The following MAP3K5 variants were observed in gnomAD, a reference collection of about 807,000 sequenced individuals.
MAP3K5 encodes ASK-1.
A neutral mutation model predicts 158.7 loss-of-function variants in MAP3K5; 56 were observed. The ratio of observed to expected loss-of-function variants is 0.35; its 90% confidence interval spans 0.28 to 0.44. The LOEUF (loss-of-function observed/expected upper bound fraction) is 0.44. Ranked by LOEUF, MAP3K5 falls within the 20% of genes least tolerant of loss-of-function variation. The probability of loss-of-function intolerance (pLI) is 1.00; values close to 1 mark genes in which losing one functional copy is unlikely to be tolerated. For missense variants in MAP3K5, 1,294 were observed against 1,674.8 expected (o/e 0.77, Z 3.97); for synonymous variants, 579 against 601.7 (o/e 0.96, Z 0.55).
chr6:136,604,028 A>G (rs1277543583), intron 19 of MAP3K5, among the ~76,000 whole-genome samples: 1 of 152,246 alleles, frequency 6.6e-6, no homozygotes, highest in Non-Finnish European at 1.5e-5. Context: ...AATTACCATC[A>G]AAAGTCCTCT....
chr6:136,571,477 AC>A (rs1774363157), intron 25 of MAP3K5, among the ~76,000 whole-genome samples: 2 of 152,228 alleles, frequency 1.3e-5, no homozygotes, highest in African/African-American at 4.8e-5. Flanking sequence ...GAGTGAAAAA[AC>A]CATAAAATTA....
chr6:136,757,575 A>ATTTTTTTTTT lies in MAP3K5; in HGVS notation c.448+34134_448+34135insAAAAAAAAAA, dbSNP rs1266911449. 1.1e-4 allele frequency among the ~76,000 whole-genome samples: 12 copies of ATTTTTTTTTT among 111,276 alleles called. 1 individual carries two copies. The highest frequency in any genetic ancestry group is 3.6e-4 in the African/African-American group (11 of 30,342). The allele number at this position is 111,276 out of a possible 152,430, so 73.0% of individuals were successfully genotyped here. A position where few individuals can be genotyped will look rare whatever the true frequency, so the allele number is the denominator to read the frequency against. On this transcript the variant is annotated intron_variant, in intron 1 of 29. Transcript: ENST00000359015. The stretch of plus-strand genomic sequence containing the variant: ...GAGAACTCATTTTATAGATTTATTT[A>ATTTTTTTTTT]TTTATTTTTTATTTTTTTTTTTTTT...
intron 3 of MAP3K5, among the ~76,000 whole-genome samples, chr6:136,700,539 T>C (rs1780807568): frequency 6.6e-6 from 1 of 152,208 alleles, no homozygotes; most frequent in Non-Finnish European, 1.5e-5. Flanking sequence ...AAGACACTCA[T>C]ATATCAGGTA....
intron 1 of MAP3K5, among the ~76,000 whole-genome samples, chr6:136,760,381 G>A (rs924704726): frequency 1.3e-5 from 2 of 151,792 alleles, no homozygotes; most frequent in Admixed American, 6.6e-5. Context: ...CTCTCTCTTT[G>A]GGCCATAACA....
intron 1 of MAP3K5, among the ~76,000 whole-genome samples, chr6:136,759,958 C>T (rs1350586248): frequency 6.6e-6 from 1 of 151,928 alleles, no homozygotes; most frequent in Non-Finnish European, 1.5e-5. Flanking sequence ...TCAAGGGACC[C>T]AGCCCTCTAT....
intron 1 of MAP3K5, among the ~76,000 whole-genome samples, chr6:136,741,864 A>C (rs1782721516): frequency 6.6e-6 from 1 of 152,206 alleles, no homozygotes; most frequent in Admixed American, 6.5e-5. Context: ...AACAAGTGGA[A>C]TTTGAAATTA....
chr6:136,581,534 CA>C (rs932488418), intron 24 of MAP3K5, among the ~76,000 whole-genome samples: 1 of 152,080 alleles, frequency 6.6e-6, no homozygotes, highest in African/African-American at 2.4e-5. Context: ...ATTTAAATTC[CA>C]AAAATTTAAT....
intron 18 of MAP3K5, among the ~76,000 whole-genome samples, chr6:136,610,243 C>G (rs1776272527): frequency 6.6e-6 from 1 of 151,890 alleles, no homozygotes; most frequent in South Asian, 2.1e-4. Context: ...GGTTTGAAGT[C>G]TCACACACCC....
In MAP3K5 at chr6:136,562,546, T is replaced by A; in HGVS notation, c.3831A>T (p.Lys1277Asn). The A allele has an allele frequency of 6.2e-7, 1 of 1,603,190 alleles. No individual in the cohort carries two copies. Among genetic ancestry groups the A allele is most frequent in the Non-Finnish European group, 8.5e-7 (1 of 1,174,876 alleles). ...GCTTCAGGTGTTTAATTTCTTGGTC[T>A]TTTTCTTCAATAGCTCGATGAAGGA... Reference protein sequence around the residue: ...QALLHRAIEEKDQEIKHLKLK... With the variant: ...QALLHRAIEENDQEIKHLKLK... The change falls in exon 27 of 30, where the codon AAA (lysine) becomes AAT (asparagine). Residue 1277 changes from lysine (K) to asparagine (N), a missense_variant. Lys to Asn is a moderately conservative substitution (Grantham distance 94). Coordinates refer to ENST00000359015, the MANE Select transcript of MAP3K5 (RefSeq NM_005923.4).
In MAP3K5 at chr6:136,610,835, G is replaced by A. The variant is rs575761595; in HGVS notation, c.2521+447C>T. ...CAAAAGATACCAACATTGGCCAGGC[G>A]CAGTGGCTCACGCCTGTAATCCCAA... On this transcript the variant is annotated intron_variant, in intron 18 of 29. Coordinates refer to ENST00000359015, the MANE Select transcript of MAP3K5 (RefSeq NM_005923.4). Among the ~76,000 whole-genome samples the A allele has an allele frequency of 3.3e-5, 5 of 152,008 alleles. No homozygotes were observed. In the East Asian group the frequency reaches 7.7e-4, roughly 24 times the overall value.
rs780822489 is a variant in MAP3K5 at position 136,613,294 on chromosome 6, C to T, written c.2279-38G>A. 2.0e-5 allele frequency: 31 copies of T among 1,573,804 alleles called. 1 individual carries two copies. The highest frequency in any genetic ancestry group is 2.7e-5 in the Non-Finnish European group (31 of 1,153,736). ...GATAAATAGTAAATAAATCCTCATT[C>T]AAATGAGCTCTTTAAAGTGTATTAA... On this transcript the variant is annotated intron_variant, in intron 16 of 29. Transcript: ENST00000359015. The surrounding 1 kb of genome is among the most constrained non-coding windows in gnomAD (Gnocchi z 4.0).
At chr6:136,627,575 G>A (rs1777099794) in intron 14 of MAP3K5, among the ~76,000 whole-genome samples, 1 of 152,158 alleles carries the variant, frequency 6.6e-6, no homozygotes, top group African/African-American at 2.4e-5. Context: ...CCCTTTAGAA[G>A]GTGATTAGGT....
intron 1 of MAP3K5, among the ~76,000 whole-genome samples, chr6:136,727,196 T>C (rs1046988994): frequency 6.6e-6 from 1 of 152,174 alleles, no homozygotes; most frequent in African/African-American, 2.4e-5. Flanking sequence ...TTATAATAAA[T>C]TAAACAAACA....
intron 2 of MAP3K5, among the ~76,000 whole-genome samples, chr6:136,709,355 G>C (rs1781211775): frequency 1.3e-5 from 2 of 152,178 alleles, no homozygotes; most frequent in African/African-American, 4.8e-5. Context: ...TCTCTCTAAT[G>C]TGACACTAAG....
At position 136,791,968 on chromosome 6, in the gene MAP3K5, C is replaced by A; in HGVS notation, c.190G>T (p.Gly64Cys). The A allele has an allele frequency of 1.2e-6, 2 of 1,609,204 alleles. No homozygotes were observed. Among genetic ancestry groups the A allele is most frequent in the Non-Finnish European group, 1.7e-6 (2 of 1,178,326 alleles). The stretch of plus-strand genomic sequence containing the variant: ...GAGGTGGCCGCCGGACAACCGATGC[C>A]AGGGGCAGCGGCGCTCTCCACGTTC... ...FWNVESAAAP[G>C]IGCPAATSSS... The change falls in exon 1 of 30, where the codon GGC becomes TGC. Residue 64 changes from glycine (G) to cysteine (C), a missense_variant. By Grantham distance (159) the Gly-to-Cys change is radical. Coordinates refer to ENST00000359015, the MANE Select transcript of MAP3K5 (RefSeq NM_005923.4).
chr6:136,711,766 T>C (rs1350244708), intron 2 of MAP3K5, among the ~76,000 whole-genome samples: 4 of 152,194 alleles, frequency 2.6e-5, no homozygotes, highest in Non-Finnish European at 5.9e-5. Context: ...TTGGGTTCTA[T>C]GTAAAGGCCA....
intron 1 of MAP3K5, among the ~76,000 whole-genome samples, chr6:136,747,840 G>A (rs371551685): frequency 6.6e-6 from 1 of 152,118 alleles, no homozygotes; most frequent in Non-Finnish European, 1.5e-5. Flanking sequence ...ATTGTCAAGT[G>A]ATCTCCAAGC....
chr6:136,575,502 G>T (rs1225677554), intron 25 of MAP3K5, among the ~76,000 whole-genome samples: 1 of 152,136 alleles, frequency 6.6e-6, no homozygotes, highest in Non-Finnish European at 1.5e-5. Flanking sequence ...GACATTATTT[G>T]AATTTCACCA....
At chr6:136,699,024 G>T (rs2114678804) in intron 3 of MAP3K5, among the ~76,000 whole-genome samples, 1 of 152,264 alleles carries the variant, frequency 6.6e-6, no homozygotes, top group East Asian at 1.9e-4. Context: ...TTATAATTTA[G>T]TCACAGGGCG....
Sources: gnomAD v4.1 joint callset for allele counts (sites outside exome capture counted in the v4.1 genomes callset) on GRCh38, gnomAD v4.1.1 for gene constraint, Gnocchi (gnomAD v3.1) non-coding constraint, MANE v1.5 for transcripts, NCBI Gene and HGNC (gene_info 2026-07-23, HGNC 2026-07-21) for gene names.